Variants in JADE2 observed in about 807,000 individuals in gnomAD.
JADE2 encodes the protein jade family PHD finger 2.
JADE2 carries 13 observed loss-of-function variants against 85.7 expected under a neutral mutation model. The observed-to-expected ratio is 0.15, with a 90% confidence interval of 0.10 to 0.24. The LOEUF (loss-of-function observed/expected upper bound fraction) is 0.24. JADE2 is among the 10% of genes least tolerant of loss of function. The pLI, the probability that JADE2 is intolerant of heterozygous loss-of-function variation, is 1.00. For synonymous variants in JADE2, 440 were observed against 456.1 expected (o/e 0.96, Z 0.45); for missense variants, 846 against 1,115.9 (o/e 0.76, Z 3.45).
intron 3 of JADE2, 48 bp downstream of exon 3, chr5:134,538,131 C>A: frequency 6.8e-7 from 1 of 1,460,478 alleles, no homozygotes; most frequent in Non-Finnish European, 9.6e-7. Flanking sequence ...TGAGAGTGAG[C>A]TGCCCTGCGG....
chr5:134,525,833 G>C lies in JADE2; in HGVS notation c.-179G>C. The C allele has an allele frequency of 2.0e-6, 2 of 1,001,416 alleles. No individual in the cohort carries two copies. Among genetic ancestry groups the C allele is most frequent in the Non-Finnish European group, 2.4e-6 (2 of 838,682 alleles). The allele number at this position is 1,001,416 out of a possible 1,614,324, so 62.0% of individuals were successfully genotyped here. A position where few individuals can be genotyped will look rare whatever the true frequency, so the allele number is the denominator to read the frequency against. ...CGACCGTCCCCGGCGGGGGGCGTGG[G>C]GCCTGGGACGCCGCGGGCCCGGCCG... On this transcript the variant is annotated 5_prime_UTR_variant, in exon 1 of 12. Transcript: ENST00000681547.
chr5:134,538,114 TG>T (rs763190869), intron 3 of JADE2, 31 bp downstream of exon 3: 2 of 1,554,464 alleles, frequency 1.3e-6, no homozygotes, highest in Non-Finnish European at 1.8e-6. Flanking sequence ...CAGAGATCTG[TG>T]GGGAGTGAGA....
chr5:134,564,441 TG>T, intron 7 of JADE2, 52 bp from the exon 8 acceptor site: 1 of 1,278,712 alleles, frequency 7.8e-7, no homozygotes, highest in South Asian at 1.5e-5. Flanking sequence ...TGGAGATCCC[TG>T]GAGGCAGGCT....
At chr5:134,560,132 G>T in intron 5 of JADE2, 142 bp downstream of exon 5, 4 of 924,768 alleles carry the variant, frequency 4.3e-6, no homozygotes, top group Non-Finnish European at 6.5e-6. Context: ...ACTGAATGGG[G>T]ACCTCACTGG....
At chr5:134,557,394 T>C (rs1235210015) in intron 4 of JADE2, among the ~76,000 whole-genome samples, 16 of 120,528 alleles carry the variant, frequency 1.3e-4, no homozygotes, top group South Asian at 5.4e-4. Flanking sequence ...TTTTTTTTAA[T>C]TATACTCTAA....
rs531657559 is a variant in JADE2, at chr5:134,562,641, G to A, written c.852+274G>A. ...TAGGAGTGCATGGTGGCAGGCACCTGTAGTCCCAGCTACTCAGGAGGCAGA... is the reference window on the plus strand; with the variant it reads ...TAGGAGTGCATGGTGGCAGGCACCTATAGTCCCAGCTACTCAGGAGGCAGA... On this transcript the variant is annotated intron_variant, in intron 7 of 11. Coordinates refer to ENST00000681547, the MANE Select transcript of JADE2 (RefSeq NM_001388185.1). This position sits in a 1 kb window ranked among gnomAD's most constrained non-coding sequence, Gnocchi z 4.6. Among the ~76,000 whole-genome samples the A allele has an allele frequency of 1.3e-5, 2 of 152,276 alleles. No homozygotes were observed. Among genetic ancestry groups the A allele is most frequent in the African/African-American group, 4.8e-5 (2 of 41,568 alleles).
In JADE2 at chr5:134,571,133, C is replaced by A. The variant is rs371690909; in HGVS notation, c.1435-2512C>A. ...GGAATCTTTGCTGTTCCTTGGCCTG[C>A]GGACATCTGTCTGGCCTCTGCCTCT... On this transcript the variant is annotated intron_variant, in intron 9 of 11. Coordinates refer to ENST00000681547, the MANE Select transcript of JADE2 (RefSeq NM_001388185.1). Among the ~76,000 whole-genome samples the A allele has an allele frequency of 8.5e-5, 13 of 152,336 alleles. No homozygotes were observed. The South Asian group carries it at 1.7e-3, about 19-fold the overall frequency.
intron 9 of JADE2, 29 bp from the exon 10 acceptor site, chr5:134,573,616 A>G: frequency 4.5e-6 from 7 of 1,544,894 alleles, no homozygotes; most frequent in Middle Eastern, 1.7e-4. Context: ...GCCTGTGAGT[A>G]AGGTGGAAAA....
rs1359031249 is a variant in JADE2, at chr5:134,564,630, T to G, written c.969+20T>G. On this transcript the variant is annotated intron_variant, in intron 8 of 11. Coordinates refer to ENST00000681547, the MANE Select transcript of JADE2 (RefSeq NM_001388185.1). ...ATCCAGGTATGTGGCCTACTTCACC[T>G]CCTGCTGCCAGGAGCTGGCTGAGAG... 4.1e-6 allele frequency: 6 copies of G among 1,474,960 alleles called. No individual in the cohort carries two copies. The highest frequency in any genetic ancestry group is 5.5e-6 in the Non-Finnish European group (6 of 1,090,900). The allele number at this position is 1,474,960 out of a possible 1,614,324, so 91.4% of individuals were successfully genotyped here.
chr5:134,537,460 CAGA>C (rs2149879745), intron 2 of JADE2, among the ~76,000 whole-genome samples: 1 of 145,910 alleles, frequency 6.9e-6, no homozygotes, highest in African/African-American at 2.5e-5. Context: ...CCCCATTTTA[CAGA>C]AGAACAAACT....
chr5:134,575,533 G>A (rs988145349), intron 10 of JADE2: 5 of 152,338 alleles, frequency 3.3e-5, no homozygotes, highest in Admixed American at 3.3e-4. Flanking sequence ...CCTGGGGGAG[G>A]AGCTTACACT....
rs1043020180 is a variant in JADE2 at position 134,580,039 on chromosome 5, T to A, written c.*722T>A. ...AGAATCCCTCCTGAGCTGTGCCATT[T>A]ACTCAGGGGACTCCCAAACAGCCAG... On this transcript the variant is annotated 3_prime_UTR_variant, in exon 12 of 12. Coordinates refer to ENST00000681547, the MANE Select transcript of JADE2 (RefSeq NM_001388185.1). 6.6e-6 allele frequency: 1 copy of A among 152,616 alleles called. No individual in the cohort carries two copies. Among genetic ancestry groups the A allele is most frequent in the African/African-American group, 2.4e-5 (1 of 41,438 alleles). The allele number at this position is 152,616 out of a possible 1,614,324, so 9.5% of individuals were successfully genotyped here.
At chr5:134,564,981 C>G (rs974036203) in intron 8 of JADE2, among the ~76,000 whole-genome samples, 2 of 152,194 alleles carry the variant, frequency 1.3e-5, no homozygotes, top group Non-Finnish European at 2.9e-5. Flanking sequence ...AGCTAATAGA[C>G]TGTCCTGACA....
In JADE2 at chr5:134,557,183, G is replaced by A. The variant is rs1763004044; in HGVS notation, c.312-2647G>A. 2.0e-5 allele frequency among the ~76,000 whole-genome samples: 3 copies of A among 151,496 alleles called. No individual in the cohort carries two copies. The South Asian group carries it at 6.3e-4, about 32-fold the overall frequency. On this transcript the variant is annotated intron_variant, in intron 4 of 11. Coordinates refer to ENST00000681547, the MANE Select transcript of JADE2 (RefSeq NM_001388185.1). ...ATCCTCTCACCAACCACATAAAGTAGGTATTATTATTGTTGTTATTATGAT... is the reference window on the plus strand; with the variant it reads ...ATCCTCTCACCAACCACATAAAGTAAGTATTATTATTGTTGTTATTATGAT...
chr5:134,552,355 G>T (rs992920683), intron 4 of JADE2, 146 bp downstream of exon 4: 1 of 835,258 alleles, frequency 1.2e-6, no homozygotes, highest in Non-Finnish European at 1.8e-6. Context: ...ACAAACCATT[G>T]AAATGTTCCA....
intron 4 of JADE2, among the ~76,000 whole-genome samples, chr5:134,553,925 C>T (rs1457596985): frequency 6.6e-6 from 1 of 152,210 alleles, no homozygotes; most frequent in Non-Finnish European, 1.5e-5. Flanking sequence ...CTTCTTTATG[C>T]AACCTGGGAA....
intron 1 of JADE2, chr5:134,526,488 T>A: frequency 1.0e-6 from 1 of 985,230 alleles, no homozygotes; most frequent in Non-Finnish European, 1.2e-6. Context: ...CTATCTGCCC[T>A]CCTGTCTCCC....
At chr5:134,545,293 A>G (rs2149909034) in intron 3 of JADE2, among the ~76,000 whole-genome samples, 1 of 152,330 alleles carries the variant, frequency 6.6e-6, no homozygotes, top group Middle Eastern at 3.4e-3. Flanking sequence ...CGCCAGCTGG[A>G]AGGGCCTCCT....
chr5:134,533,934 A>T (rs533839624), intron 1 of JADE2, among the ~76,000 whole-genome samples: 78 of 151,946 alleles, frequency 5.1e-4, no homozygotes, highest in African/African-American at 1.9e-3. Flanking sequence ...TTTTGTAGAG[A>T]TGAGTCCCCC....
Sources: gnomAD v4.1 joint callset for allele counts (sites outside exome capture counted in the v4.1 genomes callset) on GRCh38, gnomAD v4.1.1 for gene constraint, Gnocchi (gnomAD v3.1) non-coding constraint, MANE v1.5 for transcripts, NCBI Gene and HGNC (gene_info 2026-07-23, HGNC 2026-07-21) for gene names.